The following NEBL variants were observed in gnomAD, a reference collection of about 807,000 sequenced individuals.
NEBL encodes LIM and SH3 protein 2.
In NEBL, 122 loss-of-function variants were observed where a neutral mutation model predicts 140.2. The ratio of observed to expected loss-of-function variants is 0.87; its 90% CI spans 0.75 to 1.01. NEBL has a LOEUF of 1.01. NEBL is among the 50% of genes least tolerant of loss of function. The pLI, the probability that NEBL is intolerant of heterozygous loss-of-function variation, is 0.00. For missense variants in NEBL, 1,365 were observed against 1,231.3 expected (o/e 1.11, Z -1.62); for synonymous variants, 436 against 398.9 (o/e 1.09, Z -1.11).
At chr10:21,256,829 A>C (rs2132277100) in intron 1 of NEBL, among the ~76,000 whole-genome samples, 1 of 152,306 alleles carries the variant, frequency 6.6e-6, no homozygotes, top group Non-Finnish European at 1.5e-5. Context: ...ACAGAGCAAG[A>C]CCCTGTCTAA....
chr10:20,917,888 A>G (rs1220906371), intron 4 of NEBL, among the ~76,000 whole-genome samples: 3 of 152,236 alleles, frequency 2.0e-5, no homozygotes, highest in African/African-American at 7.2e-5. Context: ...AGGTCATTTA[A>G]TTGTGTTAAA....
At chr10:20,988,873 A>G (rs1024694037) in intron 3 of NEBL, among the ~76,000 whole-genome samples, 2 of 152,254 alleles carry the variant, frequency 1.3e-5, no homozygotes, top group Non-Finnish European at 2.9e-5. Context: ...ATTTGAGCAG[A>G]GTTGAACCGA....
intron 2 of NEBL, among the ~76,000 whole-genome samples, chr10:21,032,421 C>T (rs1833838273): frequency 6.6e-6 from 1 of 152,152 alleles, no homozygotes; most frequent in Non-Finnish European, 1.5e-5. Flanking sequence ...CTTTTTGAGC[C>T]TATCTTCCTG....
chr10:21,186,861 A>G (rs1254267857), intron 3 of NEBL, among the ~76,000 whole-genome samples: 1 of 152,088 alleles, frequency 6.6e-6, no homozygotes, highest in Non-Finnish European at 1.5e-5. Flanking sequence ...TGATTGGAGA[A>G]TAATGACAAG....
At position 20,869,776 on chromosome 10, in the gene NEBL, G is replaced by C. The variant is rs763340180; in HGVS notation, c.546C>G (p.Ile182Met). ...TYSAELDRPDIKMATQISKII... is the reference protein window; with the variant it reads ...TYSAELDRPDMKMATQISKII... ...TCTTAGAGATCTGGGTTGCCATCTT[G>C]ATGTCTGGTCGGTCAAGTTCTGCAC... The change falls in exon 6 of 28, where the codon ATC (isoleucine) becomes ATG (methionine). Residue 182 changes from isoleucine (I) to methionine (M), a missense_variant. Ile to Met is a conservative substitution (Grantham distance 10). Around this residue, in one of 2 missense-constraint regions of NEBL, gnomAD observed 1,323 missense variants for 1,154.8 expected, o/e 1.15. Coordinates refer to ENST00000377122, the MANE Select transcript of NEBL (RefSeq NM_006393.3). 5 of 1,613,302 alleles carry C rather than the reference G, an allele frequency of 3.1e-6. No individual in the cohort carries two copies. The highest frequency in any genetic ancestry group is 4.2e-6 in the Non-Finnish European group (5 of 1,179,426).
intron 3 of NEBL, among the ~76,000 whole-genome samples, chr10:21,243,298 CTTTTT>C (rs34974511): frequency 9.0e-5 from 11 of 122,542 alleles, no homozygotes; most frequent in Admixed American, 2.6e-4. Flanking sequence ...ATTGAGCATT[CTTTTT>C]TTTTTTTTTT....
chr10:20,869,179 G>A (rs1844654630), intron 6 of NEBL, among the ~76,000 whole-genome samples: 4 of 152,098 alleles, frequency 2.6e-5, no homozygotes, highest in Admixed American at 2.6e-4. Flanking sequence ...TTGATTTTAG[G>A]GTGAATTTAG....
intron 3 of NEBL, among the ~76,000 whole-genome samples, chr10:21,230,308 T>C (rs532795936): frequency 4.9e-4 from 75 of 152,030 alleles, no homozygotes; most frequent in Non-Finnish European, 7.1e-4. Context: ...AACTTCCTTA[T>C]CTCTAAAGGG....
intron 17 of NEBL, among the ~76,000 whole-genome samples, chr10:20,827,341 A>G (rs1839974102): frequency 6.6e-6 from 1 of 152,140 alleles, no homozygotes; most frequent in Non-Finnish European, 1.5e-5. Flanking sequence ...TCATCCTTCC[A>G]TCAAGACTTT....
rs572901264 is a variant in NEBL, at chr10:21,292,353, A to G, written n.182+477T>C. Among the ~76,000 whole-genome samples, 7 of 152,370 alleles carry G rather than the reference A, an allele frequency of 4.6e-5. No individual in the cohort carries two copies. The South Asian group carries it at 1.4e-3, about 32-fold the overall frequency. On this transcript the variant is annotated intron_variant and non_coding_transcript_variant, in intron 1 of 8. Coordinates refer to the NEBL transcript ENST00000675702. Reference sequence around the variant, plus strand: ...TAAATGATTAATTGATAATCATTAAATGATAGGCAAACCAGAATATCACTG... The same window carrying G: ...TAAATGATTAATTGATAATCATTAAGTGATAGGCAAACCAGAATATCACTG...
rs758037970 is a variant in NEBL, at chr10:20,787,167, C to G, written c.2868+35G>C. On this transcript the variant is annotated intron_variant, in intron 27 of 27. Transcript: ENST00000377122. ...ACATGCTTGAGGGGAAATGGGAAGACCAGCTAAGGAGGAACGTATCAAATG... is the reference window on the plus strand; with the variant it reads ...ACATGCTTGAGGGGAAATGGGAAGAGCAGCTAAGGAGGAACGTATCAAATG... 2.0e-6 allele frequency: 3 copies of G among 1,476,126 alleles called. No individual in the cohort carries two copies. The Admixed American group carries it at 5.3e-5, about 26-fold the overall frequency. 91.4% of individuals were successfully genotyped at this position (1,476,126 alleles called of 1,614,324 possible).
intron 2 of NEBL, chr10:21,020,232 T>C (rs368813684): frequency 1.3e-6 from 2 of 1,566,366 alleles, no homozygotes; most frequent in African/African-American, 2.7e-5. Flanking sequence ...AGGACATAAT[T>C]AAAATATTGT....
intron 26 of NEBL, among the ~76,000 whole-genome samples, chr10:20,805,033 G>A (rs577088477): frequency 6.6e-6 from 1 of 152,144 alleles, no homozygotes; most frequent in African/African-American, 2.4e-5. Flanking sequence ...CAACAATGGA[G>A]GTAGGGCCAA....
intron 1 of NEBL, among the ~76,000 whole-genome samples, chr10:21,287,614 A>T (rs1286992991): frequency 6.6e-6 from 1 of 152,188 alleles, no homozygotes; most frequent in East Asian, 1.9e-4. Flanking sequence ...TTAAAATTAT[A>T]ATGGGAGACC....
chr10:21,247,348 T>C (rs1842530595), intron 3 of NEBL, among the ~76,000 whole-genome samples: 1 of 152,222 alleles, frequency 6.6e-6, no homozygotes, highest in Admixed American at 6.5e-5. Flanking sequence ...AAAGAAGCAG[T>C]CTCAAAAGAT....
intron 3 of NEBL, among the ~76,000 whole-genome samples, chr10:21,010,183 G>C (rs183599561): frequency 1.7e-4 from 26 of 152,276 alleles, no homozygotes; most frequent in Non-Finnish European, 3.2e-4. Context: ...CTCTGTATAA[G>C]GGATCACAGA....
chr10:21,162,443 G>A (rs1840594671), intron 2 of NEBL, among the ~76,000 whole-genome samples: 3 of 152,312 alleles, frequency 2.0e-5, no homozygotes, highest in South Asian at 2.1e-4. Context: ...GAGCAAATTT[G>A]TTGGGATCTG....
At chr10:21,084,815 G>A (rs771043292) in intron 2 of NEBL, among the ~76,000 whole-genome samples, 1 of 152,118 alleles carries the variant, frequency 6.6e-6, no homozygotes, top group Non-Finnish European at 1.5e-5. Context: ...ATACGCACTA[G>A]CACAGAGAGA....
intron 21 of NEBL, among the ~76,000 whole-genome samples, chr10:20,817,303 G>T (rs978153659): frequency 1.3e-4 from 20 of 152,144 alleles, no homozygotes; most frequent in Non-Finnish European, 2.8e-4. Context: ...GAAGGCAAAG[G>T]TTGCAGTGAG....
Sources: gnomAD v4.1 joint callset for allele counts (sites outside exome capture counted in the v4.1 genomes callset) on GRCh38, gnomAD v4.1.1 for gene constraint, gnomAD v4.1.1 regional missense constraint, MANE v1.5 for transcripts, NCBI Gene and HGNC (gene_info 2026-07-23, HGNC 2026-07-21) for gene names.